Variants in DPF3 observed in about 807,000 individuals in gnomAD.
DPF3 encodes zinc finger protein DPF3.
In DPF3, 18 loss-of-function variants were observed where a neutral mutation model predicts 56.8. The observed-to-expected ratio is 0.32, with a 90% CI of 0.22 to 0.47. The LOEUF is 0.47. DPF3 is among the 20% of genes least tolerant of loss of function. The pLI, the probability that DPF3 is intolerant of heterozygous loss-of-function variation, is 1.00. For synonymous variants in DPF3, 188 were observed against 180.2 expected (o/e 1.04, Z -0.35); for missense variants, 403 against 488.8 (o/e 0.82, Z 1.65).
At chr14:72,774,300 G>A (rs376049633) in intron 1 of DPF3, among the ~76,000 whole-genome samples, 11 of 142,224 alleles carry the variant, frequency 7.7e-5, no homozygotes, top group African/African-American at 2.6e-4. Context: ...CCTGCTTTCA[G>A]TTCTTTTAGG....
chr14:72,760,070 T>C (rs1240623860), intron 2 of DPF3, among the ~76,000 whole-genome samples: 5 of 152,210 alleles, frequency 3.3e-5, no homozygotes, highest in Non-Finnish European at 7.3e-5. Context: ...AATTTGGATC[T>C]ACACAAAGGA....
intron 1 of DPF3, among the ~76,000 whole-genome samples, chr14:72,778,150 C>T (rs1221464671): frequency 6.6e-6 from 1 of 152,170 alleles, no homozygotes; most frequent in East Asian, 1.9e-4. Flanking sequence ...AACTTCCCAG[C>T]CTCCAGAACT....
intron 4 of DPF3, among the ~76,000 whole-genome samples, chr14:72,730,423 AGAT>A (rs1889593033): frequency 6.6e-6 from 1 of 152,202 alleles, no homozygotes; most frequent in African/African-American, 2.4e-5. Context: ...TCAATGGAAA[AGAT>A]TTGACAATTC....
intron 1 of DPF3, among the ~76,000 whole-genome samples, chr14:72,782,643 G>A (rs1239981239): frequency 2.0e-5 from 3 of 152,122 alleles, no homozygotes; most frequent in African/African-American, 4.8e-5. Context: ...GATCAGCCTG[G>A]CCAACACAGT....
At chr14:72,863,570 A>T (rs1213785662) in intron 1 of DPF3, among the ~76,000 whole-genome samples, 2 of 151,966 alleles carry the variant, frequency 1.3e-5, no homozygotes, top group Non-Finnish European at 2.9e-5. Flanking sequence ...AAAAAAAAAA[A>T]AAAAGCAACC....
rs10545910 is a variant in DPF3 at position 72,881,294 on chromosome 14, C to CTGTTGTTGT, written c.32+12754_32+12762dup. Reference sequence around the variant, plus strand: ...AGATCTCATTCTCTAAAATTCAGAGCTGTTGTTGTTGTTGTTGTTGTTGTT... The same window carrying CTGTTGTTGT: ...AGATCTCATTCTCTAAAATTCAGAGCTGTTGTTGTTGTTGTTGTTGTTGTTGTTGTTGTT... On this transcript the variant is annotated intron_variant, in intron 1 of 10. Coordinates refer to ENST00000556509, the MANE Select transcript of DPF3 (RefSeq NM_001280542.3). Among the ~76,000 whole-genome samples the CTGTTGTTGT allele has an allele frequency of 4.0e-3, 605 of 151,144 alleles. 1 individual carries two copies. The highest frequency in any genetic ancestry group is 6.8e-3 in the Middle Eastern group (2 of 292).
chr14:72,807,920 A>G (rs1462859135), intron 1 of DPF3, among the ~76,000 whole-genome samples: 1 of 152,172 alleles, frequency 6.6e-6, no homozygotes, highest in Non-Finnish European at 1.5e-5. Context: ...AGTTATGATC[A>G]CGCCACTGCA....
intron 3 of DPF3, among the ~76,000 whole-genome samples, chr14:72,743,705 T>A (rs917552680): frequency 6.6e-6 from 1 of 152,214 alleles, no homozygotes; most frequent in African/African-American, 2.4e-5. Flanking sequence ...CCAGGCCTTC[T>A]GGTGGATATT....
Position 72,802,943 on chromosome 14 carries a change from C to G in DPF3, c.33-31050G>C, listed in dbSNP as rs548656713. Among the ~76,000 whole-genome samples the G allele has an allele frequency of 1.9e-4, 29 of 152,332 alleles. No homozygotes were observed. The South Asian group carries it at 5.8e-3, about 30-fold the overall frequency. Reference sequence around the variant, plus strand: ...TGACCACATCCTGCCATCATCACCCCCATGGAGGTCCAGGGCCCCTGCCCC... The same window carrying G: ...TGACCACATCCTGCCATCATCACCCGCATGGAGGTCCAGGGCCCCTGCCCC... On this transcript the variant is annotated intron_variant, in intron 1 of 10. Transcript: ENST00000556509.
intron 1 of DPF3, among the ~76,000 whole-genome samples, chr14:72,858,330 G>C (rs1392701412): frequency 7.2e-6 from 1 of 138,278 alleles, no homozygotes; most frequent in African/African-American, 2.7e-5. Context: ...AAAAAACCCA[G>C]GTGTGTCCAA....
intron 6 of DPF3, among the ~76,000 whole-genome samples, chr14:72,707,288 C>A (rs1023478800): frequency 6.6e-6 from 1 of 152,056 alleles, no homozygotes; most frequent in African/African-American, 2.4e-5. Context: ...AATAAACATA[C>A]GTGTGCATGT....
intron 6 of DPF3, among the ~76,000 whole-genome samples, chr14:72,704,631 C>T (rs1032191101): frequency 6.6e-6 from 1 of 152,158 alleles, no homozygotes; most frequent in African/African-American, 2.4e-5. Context: ...GACGTTTCTG[C>T]CTGGATTCCT....
rs570334240 is a variant in DPF3, at chr14:72,650,547, A to T, written c.872-20811T>A. Among the ~76,000 whole-genome samples the T allele has an allele frequency of 6.6e-5, 10 of 152,226 alleles. No homozygotes were observed. The South Asian group carries it at 2.1e-3, about 32-fold the overall frequency. The stretch of plus-strand genomic sequence containing the variant: ...GTTAGACAAGCTCTAGGGTCTTTGC[A>T]CCTGACAGCTGAGGATAGGGCAGCA... On this transcript the variant is annotated intron_variant, in intron 8 of 10. Coordinates refer to ENST00000556509, the MANE Select transcript of DPF3 (RefSeq NM_001280542.3).
intron 1 of DPF3, among the ~76,000 whole-genome samples, chr14:72,773,573 T>C (rs1447129543): frequency 6.6e-6 from 1 of 152,228 alleles, no homozygotes; most frequent in African/African-American, 2.4e-5. Flanking sequence ...CAGAACTCTT[T>C]TCATCTTGCA....
chr14:72,774,844 G>A (rs1015411732), intron 1 of DPF3, among the ~76,000 whole-genome samples: 8 of 152,196 alleles, frequency 5.3e-5, no homozygotes, highest in African/African-American at 1.2e-4. Context: ...ATAAGCTGAT[G>A]TAATCAAAGC....
chr14:72,693,022 C>A, intron 7 of DPF3, 54 bp downstream of exon 7: 1 of 1,607,258 alleles, frequency 6.2e-7, no homozygotes, highest in Non-Finnish European at 8.5e-7. Context: ...GGAACGCTCC[C>A]CAGCCTGTCT....
At chr14:72,868,928 T>G (rs918947851) in intron 1 of DPF3, among the ~76,000 whole-genome samples, 2 of 152,210 alleles carry the variant, frequency 1.3e-5, no homozygotes, top group Non-Finnish European at 2.9e-5. Flanking sequence ...GAAAGTGTAC[T>G]GGATCAAGTC....
At chr14:72,800,146 G>A (rs1003643769) in intron 1 of DPF3, among the ~76,000 whole-genome samples, 1 of 152,118 alleles carries the variant, frequency 6.6e-6, no homozygotes, top group African/African-American at 2.4e-5. Flanking sequence ...AATACCTCTA[G>A]GCTGCTTGAA....
At chr14:72,883,885 C>G (rs995223388) in intron 1 of DPF3, among the ~76,000 whole-genome samples, 1 of 150,944 alleles carries the variant, frequency 6.6e-6, no homozygotes. Context: ...CAAGATCACG[C>G]CACTGCACTC....
Sources: allele counts gnomAD v4.1 joint callset (sites outside exome capture counted in the v4.1 genomes callset), GRCh38; gene constraint gnomAD v4.1.1; transcripts MANE v1.5; gene names NCBI Gene and HGNC (gene_info 2026-07-23, HGNC 2026-07-21).